The following WNT9B variants were observed in gnomAD, a reference collection of about 807,000 sequenced individuals.
WNT9B encodes Wnt family member 9B.
Under a neutral mutation model 30.2 loss-of-function variants are expected in WNT9B, and 12 were observed. That is an observed-to-expected ratio of 0.40 (90% CI 0.26 to 0.64). WNT9B has a LOEUF of 0.64. Among genes scored for constraint, WNT9B ranks in the 30% least tolerant of loss-of-function variants. The probability of loss-of-function intolerance (pLI) is 0.42; values close to 1 mark genes in which losing one functional copy is unlikely to be tolerated. For missense variants in WNT9B, 442 were observed against 485.2 expected, an observed-to-expected ratio of 0.91 and a Z score of 0.84; for synonymous variants, 218 against 216.9, an observed-to-expected ratio of 1.01 and a Z score of -0.05.
intron 1 of WNT9B, among the ~76,000 whole-genome samples, chr17:46,838,042 T>C (rs1041464767): frequency 7.9e-5 from 12 of 152,118 alleles, no homozygotes; most frequent in Admixed American, 7.9e-4. Flanking sequence ...AGGCCATTGC[T>C]CCAACCCCTG....
chr17:46,868,209 CTTCCTCT>C (rs753235701), intron 1 of WNT9B, among the ~76,000 whole-genome samples: 3 of 152,214 alleles, frequency 2.0e-5, no homozygotes, highest in Non-Finnish European at 2.9e-5. Context: ...GCAAACAACC[CTTCCTCT>C]GCCCTTTAGT....
chr17:46,838,628 A>C (rs2084662222), intron 1 of WNT9B, among the ~76,000 whole-genome samples: 1 of 152,112 alleles, frequency 6.6e-6, no homozygotes, highest in Non-Finnish European at 1.5e-5. Flanking sequence ...CCCTGTCTCA[A>C]AATAAATTAA....
chr17:46,862,302 T>C (rs769503767), intron 1 of WNT9B, among the ~76,000 whole-genome samples: 2 of 152,170 alleles, frequency 1.3e-5, no homozygotes, highest in Non-Finnish European at 2.9e-5. Context: ...GTATATTCCA[T>C]GGCTAACAGC....
At chr17:46,872,283 G>A (rs1439754278) in intron 1 of WNT9B, among the ~76,000 whole-genome samples, 1 of 152,168 alleles carries the variant, frequency 6.6e-6, no homozygotes, top group Admixed American at 6.5e-5. Context: ...AGGAAAATAG[G>A]GTGGATAAGA....
At chr17:46,834,005 G>A (rs112540435) in intron 1 of WNT9B, among the ~76,000 whole-genome samples, 2 of 152,142 alleles carry the variant, frequency 1.3e-5, no homozygotes, top group African/African-American at 4.8e-5. Context: ...AGACCAACCT[G>A]GGCAACATAG....
At chr17:46,856,914 A>G (rs1187100642) in intron 1 of WNT9B, among the ~76,000 whole-genome samples, 1 of 152,148 alleles carries the variant, frequency 6.6e-6, no homozygotes, top group Non-Finnish European at 1.5e-5. Context: ...CCTCTTTGCA[A>G]TCAACCCTCT....
At chr17:46,853,389 T>TTTTTTAA (rs2084887833) in intron 1 of WNT9B, among the ~76,000 whole-genome samples, 3 of 146,384 alleles carry the variant, frequency 2.0e-5, no homozygotes, top group African/African-American at 2.6e-5. Context: ...TTTTTTTTTT[T>TTTTTTAA]AAGACGGAGT....
At chr17:46,852,336 G>A (rs1209020454) in intron 1 of WNT9B, among the ~76,000 whole-genome samples, 1 of 151,936 alleles carries the variant, frequency 6.6e-6, no homozygotes, top group Non-Finnish European at 1.5e-5. Context: ...CCACATCTCA[G>A]ACCTGGCATG....
chr17:46,853,643 C>T (rs1410956432), intron 1 of WNT9B, among the ~76,000 whole-genome samples: 1 of 152,180 alleles, frequency 6.6e-6, no homozygotes, highest in Non-Finnish European at 1.5e-5. Context: ...GCTGGGATTA[C>T]AGGCATGAGC....
chr17:46,841,667 T>C (rs1380390747), intron 1 of WNT9B, among the ~76,000 whole-genome samples: 1 of 151,720 alleles, frequency 6.6e-6, no homozygotes, highest in African/African-American at 2.4e-5. Flanking sequence ...GGGTAGGGGC[T>C]GGCCGGGAGC....
At chr17:46,853,467 G>A (rs989643202) in intron 1 of WNT9B, among the ~76,000 whole-genome samples, 1 of 148,852 alleles carries the variant, frequency 6.7e-6, no homozygotes, top group South Asian at 2.2e-4. Flanking sequence ...CATCTCATGG[G>A]TTCAAGCGAT....
chr17:46,868,759 T>C (rs1444956161), intron 1 of WNT9B, among the ~76,000 whole-genome samples: 1 of 152,072 alleles, frequency 6.6e-6, no homozygotes, highest in Non-Finnish European at 1.5e-5. Flanking sequence ...ACCCAGTGAG[T>C]GGTGTCTGCA....
chr17:46,885,100 C>T (rs574333950), downstream of WNT9B: 84 of 431,888 alleles, frequency 1.9e-4, no homozygotes, highest in South Asian at 1.2e-3. Context: ...GCGATTCTCC[C>T]GTCTCAGCTG....
chr17:46,838,877 G>T (rs919374085), intron 1 of WNT9B, among the ~76,000 whole-genome samples: 1 of 151,944 alleles, frequency 6.6e-6, no homozygotes, highest in Non-Finnish European at 1.5e-5. Flanking sequence ...CTTTTCTAAA[G>T]AATTTTGTTT....
chr17:46,864,139 G>A (rs369717633), intron 1 of WNT9B, among the ~76,000 whole-genome samples: 73 of 152,344 alleles, frequency 4.8e-4, no homozygotes, highest in Admixed American at 3.2e-3. Flanking sequence ...GAGGGTGATC[G>A]GAGCCCAGGG....
chr17:46,856,221 C>T (rs1212313155), intron 1 of WNT9B, among the ~76,000 whole-genome samples: 1 of 152,154 alleles, frequency 6.6e-6, no homozygotes, highest in African/African-American at 2.4e-5. Context: ...ATGTCTTAAC[C>T]TTGCTGAGCT....
At chr17:46,842,177 G>A (rs1054590310) in intron 1 of WNT9B, among the ~76,000 whole-genome samples, 102 of 152,314 alleles carry the variant, frequency 6.7e-4, no homozygotes, top group Admixed American at 1.5e-3. Context: ...AGGTCCTTGG[G>A]CAGGCCACTT....
chr17:46,870,908 T>TTTTTTTTTTTTTTTTTC (rs2085232326), intron 1 of WNT9B, among the ~76,000 whole-genome samples: 1 of 145,276 alleles, frequency 6.9e-6, no homozygotes, highest in African/African-American at 2.5e-5. Context: ...CCTTTGCTTT[T>TTTTTTTTTTTTTTTTTC]TTTTTTTTTT....
In WNT9B at chr17:46,876,818, G is replaced by A; in HGVS notation, c.*100G>A. On this transcript the variant is annotated 3_prime_UTR_variant, in exon 4 of 4. Transcript: ENST00000290015. ...CTGGGCAGACTGTCATCACATGCAT[G>A]CATAAACCGGCATGTGTGCCAATGC... is the stretch of plus-strand genomic sequence containing the variant. 1 of 1,441,506 alleles carries A rather than the reference G, an allele frequency of 6.9e-7. No individual in the cohort carries two copies. The highest frequency in any genetic ancestry group is 9.1e-7 in the Non-Finnish European group (1 of 1,093,290). 89.3% of individuals were successfully genotyped at this position (1,441,506 alleles called of 1,614,324 possible).
Sources: gnomAD v4.1 joint callset for allele counts (sites outside exome capture counted in the v4.1 genomes callset) on GRCh38, gnomAD v4.1.1 for gene constraint, MANE v1.5 for transcripts, NCBI Gene and HGNC (gene_info 2026-07-23, HGNC 2026-07-21) for gene names.